Variants in TMEM130 observed in about 807,000 individuals in gnomAD.
The protein encoded by TMEM130 is transmembrane protein 130.
A neutral mutation model predicts 42.9 loss-of-function variants in TMEM130; 37 were observed. That is an observed-to-expected ratio of 0.86 (90% confidence interval 0.66 to 1.13). The LOEUF (loss-of-function observed/expected upper bound fraction) is 1.13. TMEM130 is among the 50% of genes most tolerant of loss of function. The probability of loss-of-function intolerance (pLI) is 0.00; values close to 1 mark genes in which losing one functional copy is unlikely to be tolerated. For missense variants in TMEM130, 545 were observed against 562.6 expected (o/e 0.97, Z 0.32); for synonymous variants, 259 against 237.7 (o/e 1.09, Z -0.82).
intron 2 of TMEM130, among the ~76,000 whole-genome samples, chr7:98,862,653 C>T (rs897417772): frequency 6.6e-5 from 10 of 152,026 alleles, no homozygotes; most frequent in African/African-American, 2.4e-4. Flanking sequence ...TGCCCACCAC[C>T]ATGCCCCCAC....
chr7:98,849,229 T>C (rs987039929), intron 6 of TMEM130, among the ~76,000 whole-genome samples: 2 of 152,172 alleles, frequency 1.3e-5, no homozygotes, highest in African/African-American at 4.8e-5. Flanking sequence ...AAGAGTCCAG[T>C]GTCTGAAGTT....
chr7:98,863,028 C>G, intron 2 of TMEM130, 67 bp downstream of exon 2: 1 of 1,518,126 alleles, frequency 6.6e-7, no homozygotes, highest in East Asian at 2.3e-5. Flanking sequence ...TGATTCCTAG[C>G]GAAGCTTGAT....
chr7:98,855,148 C>A, intron 5 of TMEM130, 92 bp downstream of exon 5: 1 of 1,149,542 alleles, frequency 8.7e-7, no homozygotes, highest in Non-Finnish European at 1.2e-6. Flanking sequence ...AGACCTGAGG[C>A]CTGTCACAGA....
intron 5 of TMEM130, 145 bp from the exon 6 acceptor site, chr7:98,851,768 A>G: frequency 1.4e-6 from 1 of 694,522 alleles, no homozygotes; most frequent in East Asian, 2.7e-5. Context: ...AGCTTCATGC[A>G]TTCCAGACCA....
chr7:98,865,532 C>T (rs182473731), intron 1 of TMEM130, among the ~76,000 whole-genome samples: 108 of 152,162 alleles, frequency 7.1e-4, no homozygotes, highest in African/African-American at 2.1e-3. Flanking sequence ...TGCTTGAACC[C>T]GGAAGGCAGA....
intron 6 of TMEM130, 143 bp from the exon 7 acceptor site, chr7:98,848,838 G>A (rs1047569221): frequency 9.1e-6 from 6 of 656,516 alleles, no homozygotes; most frequent in Non-Finnish European, 1.7e-5. Flanking sequence ...TCCCAACTGG[G>A]CAACCCCAAT....
At chr7:98,848,500 C>T in intron 7 of TMEM130, 83 bp downstream of exon 7, 1 of 1,040,420 alleles carries the variant, frequency 9.6e-7, no homozygotes, top group Non-Finnish European at 1.5e-6. Flanking sequence ...CTCCAGGCAT[C>T]CTGGCCTGGC....
Position 98,848,687 on chromosome 7 carries a change from G to T in TMEM130, c.1015C>A (p.Pro339Thr). Reference protein sequence around the residue: ...KIQVWPSRIQPAVFAFPCATL... With the variant: ...KIQVWPSRIQTAVFAFPCATL... ...GCACATGGGAAAGCAAAGACAGCCG[G>T]CTGGATTCCTGGGAATGAAAGAAGT... Residue 339 changes from proline to threonine, a missense_variant, in exon 7 of 8, where the codon CCG becomes ACG. Transcript: ENST00000339375. The T allele has an allele frequency of 6.2e-7, 1 of 1,611,836 alleles. No homozygotes were observed.
At chr7:98,860,902 CA>C (rs1794757501) in intron 2 of TMEM130, among the ~76,000 whole-genome samples, 1 of 143,820 alleles carries the variant, frequency 7.0e-6, no homozygotes, top group Non-Finnish European at 1.5e-5. Flanking sequence ...AAGATCGCGC[CA>C]CTGCACTCCA....
Position 98,863,028 on chromosome 7 carries a change from C to T in TMEM130, c.391+67G>A, listed in dbSNP as rs564954371. ...TAATCTGCATTGATCTGATTCCTAG[C>T]GAAGCTTGATGTTTTTCTCTGCACC... On this transcript the variant is annotated intron_variant, in intron 2 of 7. Coordinates refer to ENST00000339375, the MANE Select transcript of TMEM130 (RefSeq NM_152913.3). 9 of 1,518,242 alleles carry T rather than the reference C, an allele frequency of 5.9e-6. No homozygotes were observed. The East Asian group carries it at 6.8e-5, about 11-fold the overall frequency. 94.0% of individuals were successfully genotyped at this position (1,518,242 alleles called of 1,614,324 possible). A position where few individuals can be genotyped will look rare whatever the true frequency, so the allele number is the denominator to read the frequency against.
intron 3 of TMEM130, among the ~76,000 whole-genome samples, chr7:98,858,949 A>G (rs1554399387): frequency 7.7e-6 from 1 of 130,576 alleles, no homozygotes. Context: ...GGAGGGAGGG[A>G]AGGGGAGGGG....
At chr7:98,858,005 G>A (rs1584239621) in intron 3 of TMEM130, among the ~76,000 whole-genome samples, 1 of 151,994 alleles carries the variant, frequency 6.6e-6, no homozygotes, top group Non-Finnish European at 1.5e-5. Flanking sequence ...GCCTCCCAAA[G>A]TGCTGGGATT....
rs559135441 is a variant in TMEM130 at position 98,869,970 on chromosome 7, G to A, written c.-109C>T. 7.0e-4 allele frequency: 509 copies of A among 732,006 alleles called. 3 individuals are homozygous for A. The African/African-American group carries it at 8.7e-3, about 13-fold the overall frequency. The allele number at this position is 732,006 out of a possible 1,614,324, so 45.3% of individuals were successfully genotyped here. A position where few individuals can be genotyped will look rare whatever the true frequency, so the allele number is the denominator to read the frequency against. ...GGGCGCGCAGCGCGGGCGGTGCGGG[G>A]AGGTGCGGGCGCCGTGCTCGCTCGT... On this transcript the variant is annotated 5_prime_UTR_variant, in exon 1 of 8. Transcript: ENST00000339375. The surrounding 1 kb of genome is among the most constrained non-coding windows in gnomAD (Gnocchi z 4.7).
intron 6 of TMEM130, among the ~76,000 whole-genome samples, chr7:98,850,273 A>ATATATATATATATT: frequency 2.8e-5 from 1 of 35,442 alleles, no homozygotes. Flanking sequence ...ATATATATAT[A>ATATATATATATATT]TTTTTTTTTT....
At chr7:98,862,499 T>C (rs1413991743) in intron 2 of TMEM130, among the ~76,000 whole-genome samples, 2 of 133,918 alleles carry the variant, frequency 1.5e-5, no homozygotes, top group African/African-American at 2.9e-5. Context: ...TTTTTTTTTT[T>C]TTTTTTTTTT....
chr7:98,861,035 A>T (rs782117058), intron 2 of TMEM130, among the ~76,000 whole-genome samples: 1 of 151,534 alleles, frequency 6.6e-6, no homozygotes, highest in Non-Finnish European at 1.5e-5. Context: ...TGACCCTAGA[A>T]AAATTAGCAG....
intron 1 of TMEM130, chr7:98,866,780 T>A (rs782766970): frequency 9.9e-5 from 15 of 152,206 alleles, no homozygotes; most frequent in Non-Finnish European, 2.1e-4. Flanking sequence ...ATTTCCTTTT[T>A]TTTCAGAGCC....
chr7:98,849,969 C>T (rs781946043), intron 6 of TMEM130, among the ~76,000 whole-genome samples: 8 of 151,562 alleles, frequency 5.3e-5, no homozygotes, highest in East Asian at 3.9e-4. Context: ...AGCCCACAAT[C>T]GTAAGCCAGG....
chr7:98,850,273 A>ATATATATAT, intron 6 of TMEM130, among the ~76,000 whole-genome samples: 2 of 35,452 alleles, frequency 5.6e-5, no homozygotes, highest in Non-Finnish European at 1.3e-4. Context: ...ATATATATAT[A>ATATATATAT]TTTTTTTTTT....
Sources: allele counts gnomAD v4.1 joint callset (sites outside exome capture counted in the v4.1 genomes callset), GRCh38; gene constraint gnomAD v4.1.1; non-coding constraint Gnocchi (gnomAD v3.1); transcripts MANE v1.5; gene names NCBI Gene and HGNC (gene_info 2026-07-23, HGNC 2026-07-21).